Variants in SEMA6A observed in about 807,000 individuals in gnomAD.
SEMA6A encodes the protein semaphorin-6A.
SEMA6A carries 25 observed loss-of-function variants against 96.8 expected under a neutral mutation model. The ratio of observed to expected loss-of-function variants is 0.26; its 90% CI spans 0.19 to 0.36. SEMA6A has a LOEUF of 0.36. SEMA6A is among the 10% of genes least tolerant of loss of function. SEMA6A has a pLI of 1.00. For synonymous variants in SEMA6A, 612 were observed against 518.0 expected, an observed-to-expected ratio of 1.18 and a Z score of -2.46; for missense variants, 1,363 against 1,323.1, an observed-to-expected ratio of 1.03 and a Z score of -0.47.
Position 116,445,763 on chromosome 5 carries a change from A to G in SEMA6A, c.*850T>C, listed in dbSNP as rs568914623. The G allele has an allele frequency of 6.5e-6, 1 of 152,802 alleles. No homozygotes were observed. The highest frequency in any genetic ancestry group is 2.1e-4 in the South Asian group (1 of 4,832). The allele number at this position is 152,802 out of a possible 1,614,324, so 9.5% of individuals were successfully genotyped here. A position where few individuals can be genotyped will look rare whatever the true frequency, so the allele number is the denominator to read the frequency against. On this transcript the variant is annotated 3_prime_UTR_variant, in exon 19 of 19. Transcript: ENST00000343348. ...CAGCTCCAACTTATTTACTCAGTGA[A>G]TTTATTGTAAAAATAAAGAAACTCA...
rs548392813 is a variant in SEMA6A, at chr5:116,490,583, C to T, written c.535+1157G>A. 9.2e-5 allele frequency among the ~76,000 whole-genome samples: 14 copies of T among 152,282 alleles called. No individual in the cohort carries two copies. The South Asian group carries it at 1.5e-3, about 16-fold the overall frequency. On this transcript the variant is annotated intron_variant, in intron 7 of 18. Transcript: ENST00000343348. ...GGTCTACAAGACTTTGTATTCTTGA[C>T]GGAACTGCTTCTCAGTAATCCTGTG... is the stretch of plus-strand genomic sequence containing the variant.
At chr5:116,565,464 T>C (rs1274730239) in intron 1 of SEMA6A, among the ~76,000 whole-genome samples, 1 of 152,204 alleles carries the variant, frequency 6.6e-6, no homozygotes, top group Non-Finnish European at 1.5e-5. Context: ...AGGGCCATCA[T>C]TCATGATACA....
chr5:116,509,752 G>C (rs1376789409), intron 1 of SEMA6A, among the ~76,000 whole-genome samples: 1 of 152,092 alleles, frequency 6.6e-6, no homozygotes, highest in Non-Finnish European at 1.5e-5. Flanking sequence ...CCCAGGCTGA[G>C]GTGGGGTGAG....
At chr5:116,570,467 C>G (rs893573664) in intron 1 of SEMA6A, among the ~76,000 whole-genome samples, 1 of 152,206 alleles carries the variant, frequency 6.6e-6, no homozygotes, top group African/African-American at 2.4e-5. Context: ...GAGCACTCCT[C>G]TACTCTAGGA....
At chr5:116,560,891 A>G (rs183145454) in intron 1 of SEMA6A, among the ~76,000 whole-genome samples, 10 of 152,292 alleles carry the variant, frequency 6.6e-5, no homozygotes, top group Non-Finnish European at 1.3e-4. Flanking sequence ...CTCAGACGAA[A>G]TCCTCAAAAA....
chr5:116,562,324 T>C (rs1020352679), intron 1 of SEMA6A, among the ~76,000 whole-genome samples: 1 of 152,074 alleles, frequency 6.6e-6, no homozygotes, highest in African/African-American at 2.4e-5. Flanking sequence ...GCTATTAGGG[T>C]TTTGTATAAG....
At position 116,446,669 on chromosome 5, in the gene SEMA6A, T is replaced by G; in HGVS notation, c.3037A>C (p.Lys1013Gln). The change falls in exon 19 of 19, where the codon AAA (lysine) becomes CAA (glutamine). Residue 1013 changes from lysine to glutamine, a missense_variant. This residue lies in a region of SEMA6A where 883 missense variants were observed against 763.6 expected (regional missense o/e 1.16). Transcript: ENST00000343348. ...TPSLKPDVPPKPSFAPLSTSM... is the reference protein window; with the variant it reads ...TPSLKPDVPPQPSFAPLSTSM... ...GTGGAAAGGGGAGCAAAGGATGGTT[T>G]GGGGGGTACGTCCGGCTTTAGCGAG... 6.4e-7 allele frequency: 1 copy of G among 1,552,852 alleles called. No individual in the cohort carries two copies. The highest frequency in any genetic ancestry group is 8.7e-7 in the Non-Finnish European group (1 of 1,147,908).
At chr5:116,484,630 A>T (rs1031029608) in intron 10 of SEMA6A, among the ~76,000 whole-genome samples, 2 of 148,324 alleles carry the variant, frequency 1.3e-5, no homozygotes, top group African/African-American at 4.9e-5. Context: ...CTCAGGAAAA[A>T]AAAAATAATA....
At position 116,491,863 on chromosome 5, in the gene SEMA6A, A is replaced by G. The variant is rs982824043; in HGVS notation, c.445-33T>C. 25 of 1,522,034 alleles carry G rather than the reference A, an allele frequency of 1.6e-5. No homozygotes were observed. In the African/African-American group the frequency reaches 3.2e-4, roughly 19 times the overall value. 94.3% of individuals were successfully genotyped at this position (1,522,034 alleles called of 1,614,324 possible). ...AAATAATCAGACTTAATTACAAACA[A>G]CAACCTTTTCTTTTGCCCTAAACCC... On this transcript the variant is annotated intron_variant, in intron 6 of 18. Coordinates refer to ENST00000343348, the MANE Select transcript of SEMA6A (RefSeq NM_020796.5).
intron 1 of SEMA6A, among the ~76,000 whole-genome samples, chr5:116,507,141 G>C (rs1226480360): frequency 5.3e-5 from 8 of 152,152 alleles, no homozygotes; most frequent in Non-Finnish European, 4.4e-5. Context: ...CAGGTTTACA[G>C]CAGGGCTCTC....
At chr5:116,478,276 A>C (rs1756566343) in intron 13 of SEMA6A, 122 bp from the exon 14 acceptor site, 4 of 1,187,812 alleles carry the variant, frequency 3.4e-6, no homozygotes, top group East Asian at 2.6e-5. Context: ...TGAAACAAAC[A>C]AACCCTTCTG....
chr5:116,469,687 G>A (rs1400947833), intron 17 of SEMA6A: 1 of 152,180 alleles, frequency 6.6e-6, no homozygotes, highest in Non-Finnish European at 1.5e-5. Context: ...TTATGGTAAT[G>A]CCATAAGTAT....
chr5:116,493,726 TGCGGATTCCA>T (rs1053142024), intron 6 of SEMA6A, among the ~76,000 whole-genome samples: 4 of 152,128 alleles, frequency 2.6e-5, no homozygotes, highest in African/African-American at 9.7e-5. Context: ...AGCTTGTTGG[TGCGGATTCCA>T]GCCTATCATT....
chr5:116,555,762 G>A (rs1410213253), intron 1 of SEMA6A, among the ~76,000 whole-genome samples: 4 of 152,070 alleles, frequency 2.6e-5, no homozygotes, highest in Non-Finnish European at 5.9e-5. Flanking sequence ...AGGAGCTCGA[G>A]GCTGCAGTAA....
chr5:116,573,500 G>C (rs1319818872), intron 1 of SEMA6A, among the ~76,000 whole-genome samples: 1 of 152,046 alleles, frequency 6.6e-6, no homozygotes, highest in Admixed American at 6.5e-5. Flanking sequence ...GCTGCTCCCG[G>C]ACACTTATTC....
intron 18 of SEMA6A, 67 bp downstream of exon 18, chr5:116,467,516 G>A: frequency 2.7e-6 from 4 of 1,486,182 alleles, no homozygotes; most frequent in Non-Finnish European, 3.6e-6. Context: ...GCTGGAAGCA[G>A]TTACACAGTC....
At chr5:116,567,967 G>A (rs181948181) in intron 1 of SEMA6A, among the ~76,000 whole-genome samples, 12 of 152,306 alleles carry the variant, frequency 7.9e-5, no homozygotes, top group Non-Finnish European at 1.5e-4. Flanking sequence ...TGAAAGCAAT[G>A]TTTCCTTGAC....
chr5:116,528,104 ATAAC>A (rs1580477854), intron 1 of SEMA6A, among the ~76,000 whole-genome samples: 1 of 152,238 alleles, frequency 6.6e-6, no homozygotes, highest in East Asian at 1.9e-4. Flanking sequence ...TAGAGTTTAA[ATAAC>A]TAACCAACAA....
chr5:116,457,724 G>A (rs1355395794), intron 18 of SEMA6A, among the ~76,000 whole-genome samples: 1 of 152,062 alleles, frequency 6.6e-6, no homozygotes, highest in Non-Finnish European at 1.5e-5. Flanking sequence ...CTACATTTCG[G>A]TAGTATACTT....
Sources: gnomAD v4.1 joint callset for allele counts (sites outside exome capture counted in the v4.1 genomes callset) on GRCh38, gnomAD v4.1.1 for gene constraint, gnomAD v4.1.1 regional missense constraint, MANE v1.5 for transcripts, NCBI Gene and HGNC (gene_info 2026-07-23, HGNC 2026-07-21) for gene names.